The following PVT1 variants were observed in gnomAD, a reference collection of about 807,000 sequenced individuals.
The protein encoded by PVT1 is Pvt1 oncogene, also known as CXCR4/PVT1 fusion.
At chr8:127,800,379 C>T (rs1033669292) in intron 2 of PVT1, among the ~76,000 whole-genome samples, 1 of 152,096 alleles carries the variant, frequency 6.6e-6, no homozygotes, top group Non-Finnish European at 1.5e-5. Flanking sequence ...GGATGTCACA[C>T]AGTAGTGGGG....
intron 3 of PVT1, among the ~76,000 whole-genome samples, chr8:127,971,536 T>G (rs1293176399): frequency 2.6e-5 from 4 of 152,082 alleles, no homozygotes; most frequent in Non-Finnish European, 4.4e-5. Context: ...GGCCCAATAA[T>G]ATTTTTTGAT....
intron 4 of PVT1, among the ~76,000 whole-genome samples, chr8:127,992,074 C>CAAA (rs72120482): frequency 1.3e-4 from 19 of 141,972 alleles, no homozygotes; most frequent in Admixed American, 1.1e-3. Flanking sequence ...TTTCTTAAAA[C>CAAA]AAAAAAAAAA....
intron 3 of PVT1, among the ~76,000 whole-genome samples, chr8:127,971,124 G>A (rs531672885): frequency 4.6e-5 from 7 of 152,310 alleles, no homozygotes; most frequent in South Asian, 4.1e-4. Context: ...TGCCAGCCCC[G>A]GTTCTAAACT....
At chr8:127,854,099 T>C (rs1815136760) in intron 2 of PVT1, among the ~76,000 whole-genome samples, 1 of 152,242 alleles carries the variant, frequency 6.6e-6, no homozygotes, top group South Asian at 2.1e-4. Context: ...CGATCTAGCA[T>C]GGCCTTGCCC....
In PVT1 at chr8:128,045,037, A is replaced by G. The variant is rs1813594755; in HGVS notation, n.913-25123A>G. Among the ~76,000 whole-genome samples the G allele has an allele frequency of 1.3e-5, 2 of 152,234 alleles. 1 individual carries two copies. Among genetic ancestry groups the G allele is most frequent in the African/African-American group, 4.8e-5 (2 of 41,464 alleles). On this transcript the variant is annotated intron_variant and non_coding_transcript_variant, in intron 4 of 10. Coordinates refer to ENST00000651587, the Ensembl canonical transcript of PVT1. ...CCACTCTGGCCAGTGGTTTGGGGAC[A>G]TGCTTCCTGGAGTCTTATCCCCTCT...
intron 4 of PVT1, among the ~76,000 whole-genome samples, chr8:128,014,030 G>A (rs1465239744): frequency 6.6e-6 from 1 of 152,226 alleles, no homozygotes; most frequent in East Asian, 1.9e-4. Flanking sequence ...TGCTGTAATA[G>A]CTGTTGTTCT....
At chr8:127,880,105 C>T (rs552049751) in intron 2 of PVT1, among the ~76,000 whole-genome samples, 2 of 151,554 alleles carry the variant, frequency 1.3e-5, no homozygotes, top group Non-Finnish European at 2.9e-5. Flanking sequence ...ACCTGGTTAT[C>T]AACAAATGTC....
intron 3 of PVT1, among the ~76,000 whole-genome samples, chr8:127,902,178 A>G (rs1815766895): frequency 6.6e-6 from 1 of 152,156 alleles, no homozygotes; most frequent in Non-Finnish European, 1.5e-5. Flanking sequence ...GGTTTGCCAG[A>G]GACTTTCCTG....
rs534799874 is a variant in PVT1 at position 127,969,151 on chromosome 8, C to T, written n.783-20011C>T. On this transcript the variant is annotated intron_variant and non_coding_transcript_variant, in intron 3 of 10. Coordinates refer to ENST00000651587, the Ensembl canonical transcript of PVT1. ...GAGCAAGGAATTGCATGTTTATAAGCGAACTTTGACACTTGCCTCTGCTGA... is the reference window on the plus strand; with the variant it reads ...GAGCAAGGAATTGCATGTTTATAAGTGAACTTTGACACTTGCCTCTGCTGA... Among the ~76,000 whole-genome samples the T allele has an allele frequency of 1.9e-3, 282 of 152,264 alleles. 1 individual carries two copies. The highest frequency in any genetic ancestry group is 3.4e-3 in the Non-Finnish European group (234 of 68,026).
chr8:128,010,871 G>A (rs181310105), intron 4 of PVT1, among the ~76,000 whole-genome samples: 21 of 152,292 alleles, frequency 1.4e-4, no homozygotes, highest in Middle Eastern at 3.4e-3. Flanking sequence ...TGACACATTT[G>A]CCTGCCGTGT....
intron 4 of PVT1, among the ~76,000 whole-genome samples, chr8:128,005,282 C>T (rs1001474444): frequency 6.6e-6 from 1 of 152,166 alleles, no homozygotes; most frequent in African/African-American, 2.4e-5. Context: ...CATCAGCTAT[C>T]GTTAGTGTTA....
At chr8:127,965,158 T>G (rs1207068186) in intron 3 of PVT1, among the ~76,000 whole-genome samples, 2 of 152,220 alleles carry the variant, frequency 1.3e-5, no homozygotes, top group Non-Finnish European at 2.9e-5. Context: ...TCACTTTTTC[T>G]TATCTTATAT....
intron 2 of PVT1, among the ~76,000 whole-genome samples, chr8:127,823,351 A>G (rs1814753920): frequency 6.6e-6 from 1 of 152,224 alleles, no homozygotes; most frequent in Admixed American, 6.5e-5. Flanking sequence ...TTAAAATATG[A>G]AACTCCTGCT....
At chr8:127,837,237 A>G (rs1814919213) in intron 2 of PVT1, among the ~76,000 whole-genome samples, 1 of 152,156 alleles carries the variant, frequency 6.6e-6, no homozygotes, top group Non-Finnish European at 1.5e-5. Flanking sequence ...CATGCAAGAG[A>G]AGAGGCCATG....
In PVT1 at chr8:127,997,053, T is replaced by TG. The variant is rs1215036896; in HGVS notation, n.912+7762_912+7763insG. ...CTGGTCATTTGCTTTCGTTTTTTTT[T>TG]TTTGTTTGTTTGTTTTTTGATACAG... On this transcript the variant is annotated intron_variant and non_coding_transcript_variant, in intron 4 of 10. Coordinates refer to ENST00000651587, the Ensembl canonical transcript of PVT1. Among the ~76,000 whole-genome samples, 437 of 134,244 alleles carry TG rather than the reference T, an allele frequency of 3.3e-3. 43 individuals carry two copies. The Middle Eastern group carries it at 0.036, about 11-fold the overall frequency. 88.1% of individuals were successfully genotyped at this position (134,244 alleles called of 152,430 possible).
rs566428258 is a variant in PVT1, at chr8:127,977,569, C to G, written n.783-11593C>G. Reference sequence around the variant, plus strand: ...CCAACATGGTGAAACCCCATCTCTACTAAAAATACAAAAAAGTTAGCCTGG... The same window carrying G: ...CCAACATGGTGAAACCCCATCTCTAGTAAAAATACAAAAAAGTTAGCCTGG... On this transcript the variant is annotated intron_variant and non_coding_transcript_variant, in intron 3 of 10. Transcript: ENST00000651587. Among the ~76,000 whole-genome samples the G allele has an allele frequency of 1.9e-3, 295 of 152,178 alleles. 1 individual carries two copies. The highest frequency in any genetic ancestry group is 6.6e-3 in the African/African-American group (273 of 41,512).
At chr8:127,855,480 G>A (rs1004173042) in intron 2 of PVT1, among the ~76,000 whole-genome samples, 1 of 152,216 alleles carries the variant, frequency 6.6e-6, no homozygotes, top group Non-Finnish European at 1.5e-5. Flanking sequence ...CCTTTAGTCA[G>A]GTGGCTTTGG....
At chr8:127,974,771 A>G (rs549184369) in intron 3 of PVT1, among the ~76,000 whole-genome samples, 1 of 152,348 alleles carries the variant, frequency 6.6e-6, no homozygotes, top group South Asian at 2.1e-4. Flanking sequence ...AAGAATAGAT[A>G]CGGGTGAGAA....
chr8:127,822,698 T>C (rs1248611221), intron 2 of PVT1, among the ~76,000 whole-genome samples: 1 of 152,138 alleles, frequency 6.6e-6, no homozygotes, highest in African/African-American at 2.4e-5. Context: ...GAAGCAGAAA[T>C]GCTGAGCTTG....
Sources: allele counts gnomAD v4.1 joint callset (sites outside exome capture counted in the v4.1 genomes callset), GRCh38; gene constraint gnomAD v4.1.1; transcripts MANE v1.5; gene names NCBI Gene and HGNC (gene_info 2026-07-23, HGNC 2026-07-21).